The following SYT12 variants were observed in gnomAD, a reference collection of about 807,000 sequenced individuals.
SYT12 encodes synaptotagmin 12.
In SYT12, 27 loss-of-function variants were observed where a neutral mutation model predicts 39.5. That is an observed-to-expected ratio of 0.68 (90% CI 0.50 to 0.94). The LOEUF is 0.94. SYT12 is among the 40% of genes least tolerant of loss of function. The probability of loss-of-function intolerance (pLI) is 0.00; values close to 1 mark genes in which losing one functional copy is unlikely to be tolerated. For missense variants in SYT12, 536 were observed against 572.6 expected (o/e 0.94, Z 0.65); for synonymous variants, 233 against 239.7 (o/e 0.97, Z 0.26).
intron 3 of SYT12, among the ~76,000 whole-genome samples, chr11:67,012,066 G>A (rs1193891917): frequency 6.7e-6 from 1 of 150,260 alleles, no homozygotes; most frequent in Non-Finnish European, 1.5e-5. Context: ...CCCGGGCCAG[G>A]TCTTGGTTGA....
intron 4 of SYT12, among the ~76,000 whole-genome samples, chr11:67,040,462 T>A (rs1341899864): frequency 6.6e-6 from 1 of 152,180 alleles, no homozygotes; most frequent in Non-Finnish European, 1.5e-5. Flanking sequence ...CAACTGTCGT[T>A]GTCCACATCT....
upstream of SYT12, among the ~76,000 whole-genome samples, chr11:67,022,255 A>T (rs1416223218): frequency 6.6e-6 from 1 of 152,092 alleles, no homozygotes; most frequent in Non-Finnish European, 1.5e-5. Context: ...TCAGCTCTAA[A>T]GGCCCAGAGT....
At chr11:67,018,285 T>A (rs192358909), upstream of SYT12, among the ~76,000 whole-genome samples, 328 of 151,508 alleles carry the variant, frequency 2.2e-3, 1 homozygote, top group African/African-American at 7.5e-3. Flanking sequence ...TTTTTTTTTT[T>A]AAATAACTGG....
At position 67,046,545 on chromosome 11, in the gene SYT12, G is replaced by A. The variant is rs537757743; in HGVS notation, c.1092+668G>A. ...GAACCCGCCTAATCTCCCCCAACCC[G>A]GGGACCCCGCCAGCATGTAAAGGCC... On this transcript the variant is annotated intron_variant, in intron 7 of 7. Coordinates refer to ENST00000527043, the MANE Select transcript of SYT12 (RefSeq NM_177963.4). Among the ~76,000 whole-genome samples, 287 of 152,312 alleles carry A rather than the reference G, an allele frequency of 1.9e-3. 3 individuals are homozygous for A. The highest frequency in any genetic ancestry group is 6.0e-3 in the African/African-American group (248 of 41,566).
Position 67,047,777 on chromosome 11 carries a change from C to CTTTT in SYT12, c.1093-782_1093-779dup, listed in dbSNP as rs1173796349. ...GGCCAACATGATGAAACCCCCATCTCTTTTTTTTTTTTTTTTTTTTTTTTT... is the reference window on the plus strand; with the variant it reads ...GGCCAACATGATGAAACCCCCATCTCTTTTTTTTTTTTTTTTTTTTTTTTTTTTT... On this transcript the variant is annotated intron_variant, in intron 7 of 7. Transcript: ENST00000527043. Among the ~76,000 whole-genome samples, 21 of 76,058 alleles carry CTTTT rather than the reference C, an allele frequency of 2.8e-4. 1 individual carries two copies. Among genetic ancestry groups the CTTTT allele is most frequent in the Non-Finnish European group, 4.4e-4 (18 of 41,252 alleles). 49.9% of individuals were successfully genotyped at this position (76,058 alleles called of 152,430 possible).
chr11:67,048,858 T>A lies in SYT12; in HGVS notation c.*101T>A. On this transcript the variant is annotated 3_prime_UTR_variant, in exon 8 of 8. Coordinates refer to ENST00000527043, the MANE Select transcript of SYT12 (RefSeq NM_177963.4). Reference sequence around the variant, plus strand: ...ATAGCCCAGCTGGAGCCGTGAACACTGGGGTCCCCTGGCAGAGTCCTCATG... The same window carrying A: ...ATAGCCCAGCTGGAGCCGTGAACACAGGGGTCCCCTGGCAGAGTCCTCATG... 7.3e-7 allele frequency: 1 copy of A among 1,362,468 alleles called. No homozygotes were observed. Among genetic ancestry groups the A allele is most frequent in the Non-Finnish European group, 9.9e-7 (1 of 1,007,562 alleles). The allele number at this position is 1,362,468 out of a possible 1,614,324, so 84.4% of individuals were successfully genotyped here. A position where few individuals can be genotyped will look rare whatever the true frequency, so the allele number is the denominator to read the frequency against.
At chr11:67,044,817 A>G in intron 6 of SYT12, 104 bp downstream of exon 6, 8 of 1,512,712 alleles carry the variant, frequency 5.3e-6, no homozygotes, top group Non-Finnish European at 7.2e-6. Context: ...TGTGGGACAC[A>G]GTGCCAAGGT....
chr11:67,037,985 G>GT (rs1950415996), intron 3 of SYT12, among the ~76,000 whole-genome samples: 1 of 150,164 alleles, frequency 6.7e-6, no homozygotes, highest in South Asian at 2.1e-4. Context: ...GGCCCAGAAG[G>GT]TTGAGGCTGC....
At chr11:67,041,045 G>A (rs1950503832) in intron 4 of SYT12, among the ~76,000 whole-genome samples, 1 of 151,996 alleles carries the variant, frequency 6.6e-6, no homozygotes, top group South Asian at 2.1e-4. Context: ...GGTAGTGCCA[G>A]CTAATTTATA....
At chr11:67,046,123 G>C (rs1385982083) in intron 7 of SYT12, among the ~76,000 whole-genome samples, 1 of 152,180 alleles carries the variant, frequency 6.6e-6, no homozygotes, top group Non-Finnish European at 1.5e-5. Flanking sequence ...AGTGTCCTCA[G>C]GTGAGGGGGG....
chr11:67,043,565 TC>T (rs1412855430), intron 4 of SYT12, 72 bp from the exon 5 acceptor site: 5 of 1,412,374 alleles, frequency 3.5e-6, no homozygotes, highest in Non-Finnish European at 3.0e-6. Flanking sequence ...GCCTCTGGAC[TC>T]CCTGTCCAGT....
At chr11:67,035,261 G>A (rs1332321321) in intron 3 of SYT12, among the ~76,000 whole-genome samples, 3 of 150,360 alleles carry the variant, frequency 2.0e-5, no homozygotes, top group Admixed American at 6.6e-5. Flanking sequence ...CACCTGCCTC[G>A]ACCTCCCAAA....
At chr11:67,024,986 A>G (rs1039061455) in intron 1 of SYT12, among the ~76,000 whole-genome samples, 1 of 152,138 alleles carries the variant, frequency 6.6e-6, no homozygotes. Context: ...GGCCTCTGCC[A>G]TGGTCTGATT....
rs1412015552 is a variant in SYT12 at position 67,049,189 on chromosome 11, G to A, written c.*432G>A. On this transcript the variant is annotated 3_prime_UTR_variant, in exon 8 of 8. Transcript: ENST00000527043. ...GCTCAGTGCTGATGGCAGCCCAGCTGTGTGGACTCAGGGGGCTCTGAGGGC... is the reference window on the plus strand; with the variant it reads ...GCTCAGTGCTGATGGCAGCCCAGCTATGTGGACTCAGGGGGCTCTGAGGGC... The A allele has an allele frequency of 6.3e-6, 1 of 158,460 alleles. No individual in the cohort carries two copies. Among genetic ancestry groups the A allele is most frequent in the Non-Finnish European group, 1.4e-5 (1 of 72,016 alleles). 9.8% of individuals were successfully genotyped at this position (158,460 alleles called of 1,614,324 possible). A position where few individuals can be genotyped will look rare whatever the true frequency, so the allele number is the denominator to read the frequency against.
chr11:67,012,957 G>C (rs1003764423), intron 3 of SYT12, among the ~76,000 whole-genome samples: 1 of 152,114 alleles, frequency 6.6e-6, no homozygotes, highest in African/African-American at 2.4e-5. Flanking sequence ...AACCTGGGGG[G>C]GGTCATCCTT....
chr11:67,045,205 G>A (rs1402163669), intron 6 of SYT12, among the ~76,000 whole-genome samples: 2 of 151,576 alleles, frequency 1.3e-5, no homozygotes, highest in Non-Finnish European at 2.9e-5. Flanking sequence ...AGTGACCGTG[G>A]AGGCAGCTGT....
At chr11:67,027,989 T>C (rs2136207398) in intron 1 of SYT12, 1 of 152,330 alleles carries the variant, frequency 6.6e-6, no homozygotes, top group African/African-American at 2.4e-5. Flanking sequence ...GGTGACCCAT[T>C]TGACCTGCAG....
Position 67,045,709 on chromosome 11 carries a change from G to T in SYT12, c.959-35G>T, listed in dbSNP as rs766257943. On this transcript the variant is annotated intron_variant, in intron 6 of 7. Coordinates refer to ENST00000527043, the MANE Select transcript of SYT12 (RefSeq NM_177963.4). ...CTGGGCAGGGCTGTGGTGAGTGAGT[G>T]TGACACTGGCCCTCACCTGTCCGCC... 4.7e-5 allele frequency: 75 copies of T among 1,608,400 alleles called. No homozygotes were observed. The East Asian group carries it at 1.6e-3, about 35-fold the overall frequency.
intron 3 of SYT12, among the ~76,000 whole-genome samples, chr11:67,011,959 T>A (rs1275198435): frequency 6.8e-6 from 1 of 147,074 alleles, no homozygotes; most frequent in East Asian, 2.1e-4. Context: ...GAGACAGGGT[T>A]TCACCATGTT....
Sources: allele counts gnomAD v4.1 joint callset (sites outside exome capture counted in the v4.1 genomes callset), GRCh38; gene constraint gnomAD v4.1.1; transcripts MANE v1.5; gene names NCBI Gene and HGNC (gene_info 2026-07-23, HGNC 2026-07-21).